MAOB: variants seen among roughly 807,000 people sequenced by gnomAD.
The protein encoded by MAOB is amine oxidase [flavin-containing] B.
MAOB carries 15 observed loss-of-function variants against 41.9 expected under a neutral mutation model. The observed-to-expected ratio is 0.36, with a 90% CI of 0.24 to 0.55. The LOEUF (loss-of-function observed/expected upper bound fraction) is 0.55. Ranked by LOEUF, MAOB falls within the 20% of genes least tolerant of loss-of-function variation. The pLI, the probability that MAOB is intolerant of heterozygous loss-of-function variation, is 0.86. For missense variants in MAOB, 345 were observed against 398.7 expected (o/e 0.87, Z 1.15); for synonymous variants, 167 against 144.2 (o/e 1.16, Z -1.13).
chrX:43,874,656 T>C (rs988079498), intron 1 of MAOB, among the ~76,000 whole-genome samples: 3 of 111,499 alleles, frequency 2.7e-5, no homozygotes, highest in African/African-American at 9.8e-5. Flanking sequence ...AAGCTGGACT[T>C]TCTACTGTCC....
intron 3 of MAOB, among the ~76,000 whole-genome samples, chrX:43,805,004 T>C (rs910626349): frequency 3.6e-5 from 4 of 111,734 alleles, no homozygotes; most frequent in Non-Finnish European, 7.5e-5. Flanking sequence ...GTATTTTGTT[T>C]TTTATAGTTA....
intron 1 of MAOB, among the ~76,000 whole-genome samples, chrX:43,877,854 A>G (rs889794806): frequency 8.9e-6 from 1 of 112,597 alleles, no homozygotes; most frequent in African/African-American, 3.2e-5. Context: ...GTCTCTCCTG[A>G]TGCCCACATG....
chrX:43,856,491 A>G (rs1209558263), intron 1 of MAOB, among the ~76,000 whole-genome samples: 1 of 111,966 alleles, frequency 8.9e-6, no homozygotes. Flanking sequence ...TGACGCTTGA[A>G]CAACACAAGG....
intron 1 of MAOB, among the ~76,000 whole-genome samples, chrX:43,847,850 G>A (rs1375054360): frequency 8.9e-6 from 1 of 111,998 alleles, no homozygotes; most frequent in Non-Finnish European, 1.9e-5. Flanking sequence ...TGGTAATTTG[G>A]CACTTTCAGA....
chrX:43,795,386 T>C (rs1240164508), intron 7 of MAOB, among the ~76,000 whole-genome samples: 1 of 111,131 alleles, frequency 9.0e-6, no homozygotes, highest in Non-Finnish European at 1.9e-5. Flanking sequence ...TCAAGGAACC[T>C]CCAGTTGTGC....
At chrX:43,848,525 T>C (rs2035227408) in intron 1 of MAOB, among the ~76,000 whole-genome samples, 1 of 110,483 alleles carries the variant, frequency 9.1e-6, no homozygotes, top group South Asian at 3.8e-4. Flanking sequence ...TTTTATGTTG[T>C]TGTTGTCATT....
At chrX:43,786,776 C>T (rs889693556) in intron 8 of MAOB, among the ~76,000 whole-genome samples, 2 of 111,344 alleles carry the variant, frequency 1.8e-5, no homozygotes, top group Non-Finnish European at 3.8e-5. Flanking sequence ...GATGTAGGGG[C>T]TCCTTGGACA....
chrX:43,809,942 T>C (rs1329206531), intron 3 of MAOB, among the ~76,000 whole-genome samples: 1 of 111,273 alleles, frequency 9.0e-6, no homozygotes, highest in Non-Finnish European at 1.9e-5. Flanking sequence ...TCATAGCTCA[T>C]GAGTGAAAGC....
chrX:43,797,156 G>A lies in MAOB; in HGVS notation c.587C>T (p.Thr196Ile). 2.5e-6 allele frequency: 3 copies of A among 1,208,347 alleles called. No individual in the cohort carries two copies. The highest frequency in any genetic ancestry group is 3.4e-6 in the Non-Finnish European group (3 of 893,549). Residue 196 changes from threonine (T) to isoleucine (I), a missense_variant, in exon 6 of 15, where the codon ACA becomes ATA. Physicochemically the swap from Thr to Ile is moderately conservative, Grantham distance 89. Transcript: ENST00000378069. ...TCCATTTGTTGTCGAGATGATTCTT[G>A]TTGTGCCTCCACACTGCTTCACATA... ...LWYVKQCGGT[T>I]RIISTTNGGQ...
chrX:43,768,550 AATC>A, intron 14 of MAOB, 101 bp downstream of exon 14: 1 of 624,949 alleles, frequency 1.6e-6, no homozygotes, highest in Non-Finnish European at 2.6e-6. Context: ...CACTTAGTTG[AATC>A]ACTTAGGAAA....
chrX:43,769,088 C>A (rs982323572), intron 13 of MAOB, among the ~76,000 whole-genome samples: 2 of 111,699 alleles, frequency 1.8e-5, no homozygotes, highest in African/African-American at 3.3e-5. Context: ...ATCGTTTGCC[C>A]CATGGGCTCT....
At chrX:43,808,501 G>T (rs763614483) in intron 3 of MAOB, among the ~76,000 whole-genome samples, 1 of 110,714 alleles carries the variant, frequency 9.0e-6, no homozygotes, top group African/African-American at 3.3e-5. Flanking sequence ...AATTGATTCA[G>T]AAAGTGAGAG....
In MAOB at chrX:43,793,554, G is replaced by T; in HGVS notation, c.793C>A (p.Pro265Thr). The change falls in exon 8 of 15, where the codon CCT becomes ACT. Residue 265 changes from proline (P) to threonine (T), a missense_variant. Coordinates refer to ENST00000378069, the MANE Select transcript of MAOB (RefSeq NM_000898.5). The stretch of plus-strand genomic sequence containing the variant: ...TGAATCTTCATGCCCAGAGTAGGAG[G>T]AATAGCACTAATCACATATTTAGCC... ...YEAKYVISAI[P>T]PTLGMKIHFN... is the part of the protein sequence containing the mutation. 8.3e-7 allele frequency: 1 copy of T among 1,200,862 alleles called. No homozygotes were observed. The highest frequency in any genetic ancestry group is 1.1e-6 in the Non-Finnish European group (1 of 890,012).
intron 3 of MAOB, among the ~76,000 whole-genome samples, chrX:43,827,348 A>G (rs970074230): frequency 3.6e-5 from 4 of 111,680 alleles, no homozygotes; most frequent in African/African-American, 1.3e-4. Flanking sequence ...CAAAGGCTCA[A>G]CTGGGTTGGA....
At chrX:43,840,898 T>TA (rs2147164317) in intron 2 of MAOB, among the ~76,000 whole-genome samples, 1 of 106,922 alleles carries the variant, frequency 9.4e-6, no homozygotes, top group Non-Finnish European at 1.9e-5. Context: ...CAGGAGTTTT[T>TA]TTTTTTTTTT....
intron 1 of MAOB, among the ~76,000 whole-genome samples, chrX:43,859,196 T>G (rs2035316661): frequency 9.0e-6 from 1 of 111,253 alleles, no homozygotes; most frequent in Non-Finnish European, 1.9e-5. Context: ...CCCATTCACT[T>G]TAGGATATCT....
At chrX:43,774,730 T>G (rs529924673) in intron 12 of MAOB, among the ~76,000 whole-genome samples, 1 of 111,861 alleles carries the variant, frequency 8.9e-6, no homozygotes, top group Middle Eastern at 4.7e-3. Flanking sequence ...GAGTCCTAAC[T>G]CAGTATAAGG....
intron 1 of MAOB, among the ~76,000 whole-genome samples, chrX:43,879,198 C>T (rs181742782): frequency 1.3e-4 from 15 of 111,730 alleles, no homozygotes; most frequent in Non-Finnish European, 2.4e-4. Context: ...ATTTATACAC[C>T]ATACACATTT....
intron 1 of MAOB, among the ~76,000 whole-genome samples, chrX:43,858,348 C>A (rs765900418): frequency 1.1e-4 from 12 of 110,932 alleles, no homozygotes; most frequent in Admixed American, 3.9e-4. Flanking sequence ...TCCCATCTTA[C>A]CCATAATACC....
Sources: allele counts gnomAD v4.1 joint callset (sites outside exome capture counted in the v4.1 genomes callset), GRCh38; gene constraint gnomAD v4.1.1; transcripts MANE v1.5; gene names NCBI Gene and HGNC (gene_info 2026-07-23, HGNC 2026-07-21).